MYH8: variants seen among roughly 807,000 people sequenced by gnomAD.
The protein encoded by MYH8 is myosin-8.
Under a neutral mutation model 233.2 loss-of-function variants are expected in MYH8, and 168 were observed. That is an observed-to-expected ratio of 0.72 (90% CI 0.64 to 0.82). The LOEUF (loss-of-function observed/expected upper bound fraction) is 0.82, where lower values mean the gene tolerates loss of function less well. Ranked by LOEUF, MYH8 falls within the 40% of genes least tolerant of loss-of-function variation. The pLI, the probability that MYH8 is intolerant of heterozygous loss-of-function variation, is 0.00. For synonymous variants in MYH8, 785 were observed against 850.6 expected, an observed-to-expected ratio of 0.92 and a Z score of 1.34; for missense variants, 1,995 against 2,327.8, an observed-to-expected ratio of 0.86 and a Z score of 2.94.
intron 2 of MYH8, 35 bp from the exon 3 acceptor site, chr17:10,420,292 A>G: frequency 6.4e-7 from 1 of 1,555,900 alleles, no homozygotes; most frequent in East Asian, 2.3e-5. Flanking sequence ...AGAGATATAA[A>G]AAGCAGAAGT....
In MYH8 at chr17:10,419,159, G is replaced by GT; in HGVS notation, c.211-130dup. On this transcript the variant is annotated intron_variant, in intron 3 of 39. Transcript: ENST00000403437. This position sits in a 1 kb window ranked among gnomAD's most constrained non-coding sequence, Gnocchi z 4.0. ...TGCAACCTCCGCCCTCCTGCTTCAA[G>GT]TGATTGTCCTGCCTCAGCCTTCTGA... is the stretch of plus-strand genomic sequence containing the variant. The GT allele has an allele frequency of 9.1e-7, 1 of 1,098,604 alleles. No individual in the cohort carries two copies. The highest frequency in any genetic ancestry group is 1.4e-6 in the Non-Finnish European group (1 of 738,096). The allele number at this position is 1,098,604 out of a possible 1,614,324, so 68.1% of individuals were successfully genotyped here.
Position 10,404,596 on chromosome 17 carries a change from A to C in MYH8, c.2433-11T>G. 1 of 1,613,874 alleles carries C rather than the reference A, an allele frequency of 6.2e-7. No individual in the cohort carries two copies. The highest frequency in any genetic ancestry group is 8.5e-7 in the Non-Finnish European group (1 of 1,179,784). ...CAGAAAAGTGCTTCTCTGCGATGAC[A>C]TGAAAATATCAGTGTAGACTAATCC... On this transcript the variant is annotated splice_polypyrimidine_tract_variant and intron_variant, in intron 21 of 39. Transcript: ENST00000403437.
rs756972191 is a variant in MYH8 at position 10,414,457 on chromosome 17, A to T, written c.833T>A (p.Phe278Tyr). The T allele has an allele frequency of 6.2e-7, 1 of 1,613,050 alleles. No individual in the cohort carries two copies. The highest frequency in any genetic ancestry group is 1.1e-5 in the South Asian group (1 of 91,042). ...TYLLEKSRVT[F>Y]QLKAERSYHI... ...GTAGCTTCTTTCCGCCTTTAGCTGG[A>T]AAGTAACTCTGGACTTTTCTAAAAG... The change falls in exon 10 of 40, where the codon TTC becomes TAC. Residue 278 changes from phenylalanine (F) to tyrosine (Y), a missense_variant. By Grantham distance (22) the Phe-to-Tyr change is conservative. Transcript: ENST00000403437.
At chr17:10,402,741 G>C (rs985415779) in intron 22 of MYH8, among the ~76,000 whole-genome samples, 1 of 151,898 alleles carries the variant, frequency 6.6e-6, no homozygotes, top group South Asian at 2.1e-4. Context: ...CTACAATACT[G>C]TTATTACAAA....
Position 10,419,237 on chromosome 17 carries a change from T to C in MYH8, c.211-207A>G, listed in dbSNP as rs940651820. ...CATGCCCAGCTAATTTTTGTATTTT[T>C]AGTAGAGACAGGATTTCGCCATGTT... On this transcript the variant is annotated intron_variant, in intron 3 of 39. Transcript: ENST00000403437. The surrounding 1 kb of genome is among the most constrained non-coding windows in gnomAD (Gnocchi z 4.0). 5.3e-5 allele frequency among the ~76,000 whole-genome samples: 8 copies of C among 152,174 alleles called. No homozygotes were observed. Among genetic ancestry groups the C allele is most frequent in the Non-Finnish European group, 8.8e-5 (6 of 68,038 alleles).
intron 28 of MYH8, 130 bp from the exon 29 acceptor site, chr17:10,399,016 ATACAAGTTG>A: frequency 6.8e-6 from 2 of 293,316 alleles, no homozygotes; most frequent in Non-Finnish European, 1.2e-5. Context: ...ATATATATAT[ATACAAGTTG>A]TATATACCTT....
At chr17:10,404,025 A>C (rs1225985482) in intron 22 of MYH8, among the ~76,000 whole-genome samples, 2 of 152,186 alleles carry the variant, frequency 1.3e-5, no homozygotes, top group African/African-American at 4.8e-5. Flanking sequence ...TGCTGGGCTA[A>C]AGTAGCCCAG....
chr17:10,409,906 T>C (rs906841174), intron 15 of MYH8, among the ~76,000 whole-genome samples: 2 of 152,214 alleles, frequency 1.3e-5, no homozygotes, highest in Non-Finnish European at 2.9e-5. Context: ...TTTTTCTTCG[T>C]TATGAAAATA....
chr17:10,393,313 A>G lies in MYH8; in HGVS notation c.5167-103T>C, dbSNP rs1404462821. The G allele has an allele frequency of 2.1e-6, 3 of 1,419,782 alleles. No individual in the cohort carries two copies. In the Admixed American group the frequency reaches 5.1e-5, roughly 24 times the overall value. The allele number at this position is 1,419,782 out of a possible 1,614,324, so 87.9% of individuals were successfully genotyped here. A position where few individuals can be genotyped will look rare whatever the true frequency, so the allele number is the denominator to read the frequency against. ...TTCGTGCAGGGGATCTGCTGGCAAC[A>G]TTTCACTAAACTTTAATTATTTGTT... is the stretch of plus-strand genomic sequence containing the variant. On this transcript the variant is annotated intron_variant, in intron 35 of 39. Transcript: ENST00000403437.
intron 38 of MYH8, 44 bp from the exon 39 acceptor site, chr17:10,392,021 A>T (rs1239222394): frequency 6.6e-7 from 1 of 1,507,266 alleles, no homozygotes. Context: ...CCGAAGAGAT[A>T]AGGCTACTCT....
At chr17:10,407,128 T>A in intron 17 of MYH8, 149 bp from the exon 18 acceptor site, 1 of 698,130 alleles carries the variant, frequency 1.4e-6, no homozygotes. Flanking sequence ...GTCTCAAGAG[T>A]TCTAGCCTGC....
At chr17:10,407,593 C>T (rs1057512194) in intron 17 of MYH8, among the ~76,000 whole-genome samples, 11 of 152,082 alleles carry the variant, frequency 7.2e-5, no homozygotes, top group Non-Finnish European at 1.5e-5. Flanking sequence ...GTAATCCCAG[C>T]ACCTTAGGAG....
At chr17:10,412,329 C>T (rs1243003464) in intron 14 of MYH8, 41 bp downstream of exon 14, 2 of 1,613,892 alleles carry the variant, frequency 1.2e-6, no homozygotes. Context: ...ATATCAAAGC[C>T]CACAATTGCC....
At position 10,398,552 on chromosome 17, in the gene MYH8, T is replaced by C. The variant is rs144823011; in HGVS notation, c.4070A>G (p.Lys1357Arg). 5 of 1,614,076 alleles carry C rather than the reference T, an allele frequency of 3.1e-6. No homozygotes were observed. Among genetic ancestry groups the C allele is most frequent in the African/African-American group, 2.7e-5 (2 of 74,930 alleles). Residue 1357 changes from lysine (K) to arginine (R), a missense_variant, in exon 30 of 40, where the codon AAA becomes AGA. Transcript: ENST00000403437. ...REQYEEEQEG[K>R]AELQRALSKA... The stretch of plus-strand genomic sequence containing the variant: ...GGACAGCGCCCTCTGCAGCTCAGCT[T>C]TGCCTTCCTGCTCTTCCTCATACTG...
chr17:10,400,974 G>C lies in MYH8; in HGVS notation c.3255-15C>G. On this transcript the variant is annotated splice_polypyrimidine_tract_variant and intron_variant, in intron 25 of 39. Coordinates refer to ENST00000403437, the MANE Select transcript of MYH8 (RefSeq NM_002472.3). The surrounding 1 kb of genome is among the most constrained non-coding windows in gnomAD (Gnocchi z 4.0). ...CAAATTCTTTCCTTTAGACAGAAGA[G>C]CAAGACGTATTAATACTCATGTGAA... The C allele has an allele frequency of 1.2e-6, 2 of 1,613,398 alleles. No homozygotes were observed. Among genetic ancestry groups the C allele is most frequent in the Non-Finnish European group, 1.7e-6 (2 of 1,179,544 alleles).
chr17:10,406,299 G>C lies in MYH8; in HGVS notation c.2270C>G (p.Thr757Ser). ...KLLASIDIDHTQYKFGHTKVF... is the reference protein window; with the variant it reads ...KLLASIDIDHSQYKFGHTKVF... ...CTTGGTATGTCCAAATTTATATTGA[G>C]TATGATCAATATCAATAGATGCAAG... The change falls in exon 20 of 40, where the codon ACT becomes AGT. Residue 757 changes from threonine (T) to serine (S), a missense_variant. By Grantham distance (58) the Thr-to-Ser change is moderately conservative. Around this residue, in one of 3 missense-constraint regions of MYH8, gnomAD observed 1,498 missense variants for 1,680.9 expected, o/e 0.89. Transcript: ENST00000403437. 2 of 1,613,214 alleles carry C rather than the reference G, an allele frequency of 1.2e-6. No homozygotes were observed. Among genetic ancestry groups the C allele is most frequent in the Non-Finnish European group, 1.7e-6 (2 of 1,179,202 alleles).
Position 10,418,998 on chromosome 17 carries a change from AGGGAAGACTTG to A in MYH8, c.232_242del (p.Gln78TyrfsTer7), listed in dbSNP as rs1427031647. On this transcript the variant is annotated frameshift_variant, in exon 4 of 40. Transcript: ENST00000403437. LOFTEE classifies it high-confidence loss of function. Reference sequence around the variant, plus strand: ...TTTTGTCATATTTCGGAGGGTTCATAGGGAAGACTTGGTCTTCCCTGACAGTTAGAGTCTGG... The same window carrying A: ...TTTTGTCATATTTCGGAGGGTTCATAGTCTTCCCTGACAGTTAGAGTCTGG... 6.2e-7 allele frequency: 1 copy of A among 1,614,184 alleles called. No individual in the cohort carries two copies. The highest frequency in any genetic ancestry group is 1.6e-4 in the Middle Eastern group (1 of 6,062).
Position 10,409,377 on chromosome 17 carries a change from T to G in MYH8, c.1799A>C (p.Asn600Thr). 4 of 1,614,230 alleles carry G rather than the reference T, an allele frequency of 2.5e-6. No homozygotes were observed. Among genetic ancestry groups the G allele is most frequent in the Non-Finnish European group, 3.4e-6 (4 of 1,180,040 alleles). The change falls in exon 16 of 40, where the codon AAT (asparagine) becomes ACT (threonine). Residue 600 changes from asparagine to threonine, a missense_variant. This residue lies in a region of MYH8 where 1,498 missense variants were observed against 1,680.9 expected (regional missense o/e 0.89). Coordinates refer to ENST00000403437, the MANE Select transcript of MYH8 (RefSeq NM_002472.3). ...CACAGTATCATTCAGGGGGTCCTTA[T>G]TTTTGTCCAGCCAGCCAGTAATGTT... ...DYNITGWLDK[N>T]KDPLNDTVVG... is the part of the protein sequence containing the mutation.
At chr17:10,394,117 A>G (rs2072057275) in intron 35 of MYH8, 132 bp downstream of exon 35, 1 of 1,236,574 alleles carries the variant, frequency 8.1e-7, no homozygotes. Flanking sequence ...AGATAATAGC[A>G]ATGAGTATTT....
Sources: allele counts gnomAD v4.1 joint callset (sites outside exome capture counted in the v4.1 genomes callset), GRCh38; gene constraint gnomAD v4.1.1; regional missense constraint gnomAD v4.1.1; non-coding constraint Gnocchi (gnomAD v3.1); transcripts MANE v1.5; gene names NCBI Gene and HGNC (gene_info 2026-07-23, HGNC 2026-07-21).